Variants in CCDC171 observed in about 807,000 individuals in gnomAD.
The protein encoded by CCDC171 is coiled-coil domain-containing protein 171.
Under a neutral mutation model 168.2 loss-of-function variants are expected in CCDC171, and 177 were observed. The ratio of observed to expected loss-of-function variants is 1.05; its 90% CI spans 0.93 to 1.19. The LOEUF is 1.19. Among genes scored for constraint, CCDC171 ranks in the 50% most tolerant of loss-of-function variants. The probability of loss-of-function intolerance (pLI) is 0.00; values close to 1 mark genes in which losing one functional copy is unlikely to be tolerated. For synonymous variants in CCDC171, 687 were observed against 540.8 expected (o/e 1.27, Z -3.75); for missense variants, 1,991 against 1,539.0 (o/e 1.29, Z -4.91).
At chr9:15,734,239 C>G (rs1252055342) in intron 16 of CCDC171, among the ~76,000 whole-genome samples, 1 of 152,172 alleles carries the variant, frequency 6.6e-6, no homozygotes, top group East Asian at 1.9e-4. Context: ...AAGTACATTA[C>G]TATTATAAAT....
chr9:15,572,203 G>T (rs1256390032), intron 3 of CCDC171, among the ~76,000 whole-genome samples: 1 of 152,102 alleles, frequency 6.6e-6, no homozygotes, highest in Non-Finnish European at 1.5e-5. Context: ...TAGTATGTAT[G>T]TGTGTGTATA....
chr9:15,730,593 C>T (rs554399127), intron 16 of CCDC171, among the ~76,000 whole-genome samples: 23 of 151,578 alleles, frequency 1.5e-4, no homozygotes, highest in Non-Finnish European at 2.5e-4. Context: ...TCCATTCATG[C>T]TTATATTGGC....
chr9:15,753,535 A>C lies in CCDC171; in HGVS notation c.2671+7904A>C, dbSNP rs554337238. Among the ~76,000 whole-genome samples the C allele has an allele frequency of 9.8e-5, 15 of 152,312 alleles. No homozygotes were observed. The South Asian group carries it at 3.1e-3, about 32-fold the overall frequency. ...TAATTTCCTCTGAGCACATTACAAA[A>C]GTGGCCCCTTACAACACTTTCAATG... On this transcript the variant is annotated intron_variant, in intron 18 of 25. Transcript: ENST00000380701.
At position 15,971,915 on chromosome 9, in the gene CCDC171, A is replaced by T; in HGVS notation, c.*79A>T. On this transcript the variant is annotated 3_prime_UTR_variant, in exon 26 of 26. Coordinates refer to ENST00000380701, the MANE Select transcript of CCDC171 (RefSeq NM_173550.4). Reference sequence around the variant, plus strand: ...TGAATGGGAATTTTCTTATCAGTTGACTTTTGTTTCAGCAGAAGTGGCAGT... The same window carrying T: ...TGAATGGGAATTTTCTTATCAGTTGTCTTTTGTTTCAGCAGAAGTGGCAGT... 7.8e-7 allele frequency: 1 copy of T among 1,283,560 alleles called. No individual in the cohort carries two copies. Among genetic ancestry groups the T allele is most frequent in the South Asian group, 1.3e-5 (1 of 77,752 alleles). 79.5% of individuals were successfully genotyped at this position (1,283,560 alleles called of 1,614,324 possible). A position where few individuals can be genotyped will look rare whatever the true frequency, so the allele number is the denominator to read the frequency against.
the CCDC171 span, among the ~76,000 whole-genome samples, chr9:16,105,394 A>C: frequency 6.6e-6 from 1 of 152,216 alleles, no homozygotes; most frequent in East Asian, 1.9e-4. Context: ...CTGCTGTTCC[A>C]TGTGTCACTT....
At chr9:16,032,643 G>A (rs982952715) in intron 6 of CCDC171, among the ~76,000 whole-genome samples, 6 of 152,132 alleles carry the variant, frequency 3.9e-5, no homozygotes, top group African/African-American at 1.2e-4. Context: ...TTAGAGACAG[G>A]GTCTTGCTCT....
intron 25 of CCDC171, among the ~76,000 whole-genome samples, chr9:15,958,350 T>G (rs1443937380): frequency 6.6e-6 from 1 of 152,074 alleles, no homozygotes; most frequent in Non-Finnish European, 1.5e-5. Context: ...ACTGAGGAAC[T>G]GAACTTTAAT....
At chr9:15,866,677 G>A (rs1432204886) in intron 23 of CCDC171, among the ~76,000 whole-genome samples, 1 of 151,982 alleles carries the variant, frequency 6.6e-6, no homozygotes, top group African/African-American at 2.4e-5. Flanking sequence ...GTTTGAGATT[G>A]ACTAACATAA....
chr9:15,578,432 T>C (rs2040846023), intron 3 of CCDC171, among the ~76,000 whole-genome samples: 1 of 146,186 alleles, frequency 6.8e-6, no homozygotes, highest in Non-Finnish European at 1.5e-5. Flanking sequence ...TTATTATTAT[T>C]ATTATTATTA....
chr9:15,784,455 T>C, intron 20 of CCDC171, 54 bp from the exon 21 acceptor site: 2 of 1,175,476 alleles, frequency 1.7e-6, no homozygotes, highest in Non-Finnish European at 2.4e-6. Context: ...GGTGAAATGA[T>C]ACAACAATGC....
At chr9:16,074,270 C>T in the CCDC171 span, among the ~76,000 whole-genome samples, 3 of 152,124 alleles carry the variant, frequency 2.0e-5, no homozygotes, top group Non-Finnish European at 4.4e-5. Context: ...TAATCTATCT[C>T]CAACAGCATT....
At chr9:15,881,819 T>C (rs1818689167) in intron 24 of CCDC171, among the ~76,000 whole-genome samples, 1 of 152,236 alleles carries the variant, frequency 6.6e-6, no homozygotes, top group South Asian at 2.1e-4. Context: ...TCATTGTGTA[T>C]ATCTATATCG....
intron 1 of CCDC171, among the ~76,000 whole-genome samples, chr9:16,055,581 C>T (rs1196761455): frequency 1.3e-5 from 2 of 152,204 alleles, no homozygotes; most frequent in African/African-American, 4.8e-5. Flanking sequence ...TAGTATATTG[C>T]AGGAAGAAGG....
At chr9:16,029,247 A>G (rs1236689573) in intron 6 of CCDC171, among the ~76,000 whole-genome samples, 1 of 152,246 alleles carries the variant, frequency 6.6e-6, no homozygotes, top group South Asian at 2.1e-4. Flanking sequence ...CACCAAAATC[A>G]TGCATAATAC....
At chr9:15,909,311 C>G (rs1823254364) in intron 24 of CCDC171, among the ~76,000 whole-genome samples, 1 of 152,024 alleles carries the variant, frequency 6.6e-6, no homozygotes, top group Admixed American at 6.6e-5. Context: ...GTTTGTGATC[C>G]TTTCTACTTT....
At chr9:15,554,210 C>CG (rs2038590205) in intron 1 of CCDC171, among the ~76,000 whole-genome samples, 1 of 152,076 alleles carries the variant, frequency 6.6e-6, no homozygotes, top group Admixed American at 6.6e-5. Flanking sequence ...TTAGTGGAGA[C>CG]GGGGTTTCAC....
chr9:15,878,811 A>G (rs1250731978), intron 24 of CCDC171, among the ~76,000 whole-genome samples: 1 of 152,134 alleles, frequency 6.6e-6, no homozygotes, highest in Non-Finnish European at 1.5e-5. Flanking sequence ...AAAGAACGAG[A>G]TCATGTTTTT....
chr9:16,075,680 C>G, the CCDC171 span, among the ~76,000 whole-genome samples: 1 of 152,096 alleles, frequency 6.6e-6, no homozygotes, highest in South Asian at 2.1e-4. Flanking sequence ...AATTTTTTGT[C>G]CTTCTATCAG....
At chr9:15,622,395 TC>T (rs1354277900) in intron 6 of CCDC171, among the ~76,000 whole-genome samples, 3 of 152,240 alleles carry the variant, frequency 2.0e-5, no homozygotes, top group Non-Finnish European at 2.9e-5. Flanking sequence ...CAAACTAGAA[TC>T]TTTGATAGAG....
Sources: gnomAD v4.1 joint callset for allele counts (sites outside exome capture counted in the v4.1 genomes callset) on GRCh38, gnomAD v4.1.1 for gene constraint, MANE v1.5 for transcripts, NCBI Gene and HGNC (gene_info 2026-07-23, HGNC 2026-07-21) for gene names.